Variants in RARG observed in about 807,000 individuals in gnomAD.
The protein encoded by RARG is RAR-gamma.
In RARG, 17 loss-of-function variants were observed where a neutral mutation model predicts 43.7. The ratio of observed to expected loss-of-function variants is 0.39; its 90% CI spans 0.27 to 0.58. The LOEUF is 0.58. Ranked by LOEUF, RARG falls within the 20% of genes least tolerant of loss-of-function variation. The pLI, the probability that RARG is intolerant of heterozygous loss-of-function variation, is 0.57. For missense variants in RARG, 346 were observed against 598.7 expected (o/e 0.58, Z 4.40); for synonymous variants, 238 against 236.4 (o/e 1.01, Z -0.06).
At chr12:53,220,313 C>A in intron 3 of RARG, 4 of 1,416,176 alleles carry the variant, frequency 2.8e-6, no homozygotes, top group Non-Finnish European at 3.7e-6. Flanking sequence ...CTGGGGCTGC[C>A]GCTTTAGCCT....
In RARG at chr12:53,213,900, T is replaced by A. The variant is rs1035484153; in HGVS notation, c.813+159A>T. The A allele has an allele frequency of 4.2e-5, 46 of 1,098,408 alleles. No individual in the cohort carries two copies. In the East Asian group the frequency reaches 1.1e-3, roughly 25 times the overall value. The allele number at this position is 1,098,408 out of a possible 1,614,324, so 68.0% of individuals were successfully genotyped here. A position where few individuals can be genotyped will look rare whatever the true frequency, so the allele number is the denominator to read the frequency against. ...AGACAGGGCATCCAAAAGTCTAGGA[T>A]CAGGTCATAGGGGCAGAGGCTAAGA... On this transcript the variant is annotated intron_variant, in intron 7 of 9. Transcript: ENST00000425354. The surrounding 1 kb of genome is among the most constrained non-coding windows in gnomAD (Gnocchi z 4.7).
intron 3 of RARG, among the ~76,000 whole-genome samples, chr12:53,225,965 G>A (rs1943098451): frequency 6.6e-6 from 1 of 152,188 alleles, no homozygotes; most frequent in African/African-American, 2.4e-5. Context: ...CACCCCCTCT[G>A]CCTCTCTGGA....
At chr12:53,217,090 TG>T (rs1332482444) in intron 3 of RARG, among the ~76,000 whole-genome samples, 1 of 152,080 alleles carries the variant, frequency 6.6e-6, no homozygotes, top group African/African-American at 2.4e-5. Context: ...ATGCCCAGGA[TG>T]CCAGGGTTCC....
chr12:53,219,903 C>A (rs956041091), intron 3 of RARG: 13 of 1,432,470 alleles, frequency 9.1e-6, no homozygotes, highest in South Asian at 1.5e-5. Context: ...GAGTAAATCC[C>A]ACCCTCTCCT....
intron 3 of RARG, among the ~76,000 whole-genome samples, chr12:53,220,965 T>G (rs925863328): frequency 6.6e-6 from 1 of 151,574 alleles, no homozygotes. Flanking sequence ...GGCCGAAAAG[T>G]GCATTCCTGC....
chr12:53,216,040 T>C, intron 3 of RARG, among the ~76,000 whole-genome samples: 1 of 152,206 alleles, frequency 6.6e-6, no homozygotes, highest in East Asian at 1.9e-4. Flanking sequence ...TTCACAAGAA[T>C]GCCAGCCCTC....
Position 53,227,341 on chromosome 12 carries a change from C to T in RARG, c.184+21G>A. ...TTCTTGTTAACATTTGCCTTCATTC[C>T]CCAAGATCCCTGAGACTCACACAGA... On this transcript the variant is annotated intron_variant, in intron 3 of 9. Transcript: ENST00000425354. The surrounding 1 kb of genome is among the most constrained non-coding windows in gnomAD (Gnocchi z 4.3). The T allele has an allele frequency of 1.3e-6, 2 of 1,511,394 alleles. No individual in the cohort carries two copies. Among genetic ancestry groups the T allele is most frequent in the Admixed American group, 2.3e-5 (1 of 43,306 alleles). The allele number at this position is 1,511,394 out of a possible 1,614,324, so 93.6% of individuals were successfully genotyped here.
chr12:53,223,701 C>T (rs1193404935), intron 3 of RARG, among the ~76,000 whole-genome samples: 1 of 152,240 alleles, frequency 6.6e-6, no homozygotes, highest in African/African-American at 2.4e-5. Context: ...GTTCTCCTTG[C>T]TTCTCCCAGT....
rs78410914 is a variant in RARG at position 53,217,828 on chromosome 12, G to A, written c.185-2034C>T. ...GAGGAAATTCCTGACCAGGCTGCGC[G>A]GAGCTTCAAACAAACTCTTTATAAC... On this transcript the variant is annotated intron_variant, in intron 3 of 9. Transcript: ENST00000425354. Among the ~76,000 whole-genome samples, 528 of 152,248 alleles carry A rather than the reference G, an allele frequency of 3.5e-3. 8 individuals are homozygous for A. The East Asian group carries it at 0.043, about 12-fold the overall frequency.
intron 3 of RARG, chr12:53,219,881 T>C (rs1942899416): frequency 7.3e-7 from 1 of 1,373,952 alleles, no homozygotes; most frequent in East Asian, 2.5e-5. Flanking sequence ...TTCCACTCTT[T>C]ACACACGGAA....
intron 3 of RARG, among the ~76,000 whole-genome samples, chr12:53,219,629 G>A (rs1942890922): frequency 6.6e-6 from 1 of 152,150 alleles, no homozygotes. Flanking sequence ...CCACGGTCCT[G>A]AGTGTCATAT....
Position 53,213,138 on chromosome 12 carries a change from A to C in RARG, c.1124T>G (p.Met375Arg). 1 of 1,614,164 alleles carries C rather than the reference A, an allele frequency of 6.2e-7. No individual in the cohort carries two copies. Residue 375 changes from methionine to arginine, a missense_variant, in exon 9 of 10, where the codon ATG (methionine) becomes AGG (arginine). This residue lies in a region of RARG where 25 missense variants were observed against 23.0 expected (regional missense o/e 1.09). Transcript: ENST00000425354. This position sits in a 1 kb window ranked among gnomAD's most constrained non-coding sequence, Gnocchi z 4.7. ...ARRRRPSQPYMFPRMLMKITD... is the reference protein window; with the variant it reads ...ARRRRPSQPYRFPRMLMKITD... ...GATTTTCATTAGCATCCTTGGGAAC[A>C]TGTAGGGCTGGCTGGGCCGCCGGCG...
chr12:53,217,151 A>G (rs868155614), intron 3 of RARG, among the ~76,000 whole-genome samples: 1 of 151,868 alleles, frequency 6.6e-6, no homozygotes, highest in Non-Finnish European at 1.5e-5. Flanking sequence ...CACCCCCAAC[A>G]CACATACAAT....
At position 53,213,960 on chromosome 12, in the gene RARG, A is replaced by C; in HGVS notation, c.813+99T>G. 1 of 1,362,370 alleles carries C rather than the reference A, an allele frequency of 7.3e-7. No homozygotes were observed. Among genetic ancestry groups the C allele is most frequent in the East Asian group, 2.3e-5 (1 of 43,502 alleles). The allele number at this position is 1,362,370 out of a possible 1,614,324, so 84.4% of individuals were successfully genotyped here. On this transcript the variant is annotated intron_variant, in intron 7 of 9. Transcript: ENST00000425354. The surrounding 1 kb of genome is among the most constrained non-coding windows in gnomAD (Gnocchi z 4.7). ...AGCTGAGGAGTCCCACATGTGTGGC[A>C]GGGGGTGCAGGGTAAGGAAATCTTT...
chr12:53,213,467 T>C lies in RARG; in HGVS notation c.1018+29A>G, dbSNP rs1445336975. 1 of 1,607,216 alleles carries C rather than the reference T, an allele frequency of 6.2e-7. No individual in the cohort carries two copies. Among genetic ancestry groups the C allele is most frequent in the African/African-American group, 1.3e-5 (1 of 74,680 alleles). ...AGTGGTGGGAAAGGAGACTGAGCAC[T>C]GAGCAGACGCCAGGGGGCGCCCCCG... On this transcript the variant is annotated intron_variant, in intron 8 of 9. Coordinates refer to ENST00000425354, the MANE Select transcript of RARG (RefSeq NM_000966.6). This position sits in a 1 kb window ranked among gnomAD's most constrained non-coding sequence, Gnocchi z 4.7.
chr12:53,211,930 C>T lies in RARG; in HGVS notation c.1178-67G>A. 1 of 1,259,708 alleles carries T rather than the reference C, an allele frequency of 7.9e-7. No homozygotes were observed. Among genetic ancestry groups the T allele is most frequent in the East Asian group, 2.8e-5 (1 of 35,360 alleles). 78.0% of individuals were successfully genotyped at this position (1,259,708 alleles called of 1,614,324 possible). On this transcript the variant is annotated intron_variant, in intron 9 of 9. Transcript: ENST00000425354. This position sits in a 1 kb window ranked among gnomAD's most constrained non-coding sequence, Gnocchi z 4.6. Reference sequence around the variant, plus strand: ...GCACATGGCCCTTAAGGCCATCTCCCTAACCTTTCTCAACTGCCCCTGACT... The same window carrying T: ...GCACATGGCCCTTAAGGCCATCTCCTTAACCTTTCTCAACTGCCCCTGACT...
chr12:53,216,839 T>TGC lies in RARG; in HGVS notation c.185-1046_185-1045insGC, dbSNP rs1330982274. Reference sequence around the variant, plus strand: ...CTGGGTAAGTGTGTGTGTGTGTGTGTGTGCGCGCGCGCGCGCGCGCGCGTG... The same window carrying TGC: ...CTGGGTAAGTGTGTGTGTGTGTGTGTGCGTGCGCGCGCGCGCGCGCGCGCGTG... On this transcript the variant is annotated intron_variant, in intron 3 of 9. Transcript: ENST00000425354. 2.2e-3 allele frequency among the ~76,000 whole-genome samples: 318 copies of TGC among 146,776 alleles called. 5 individuals are homozygous for TGC. Among genetic ancestry groups the TGC allele is most frequent in the East Asian group, 9.9e-3 (48 of 4,872 alleles).
chr12:53,213,530 T>A lies in RARG; in HGVS notation c.984A>T (p.Thr328=). The change falls in exon 8 of 10, where the codon ACA becomes ACT. Residue 328 remains threonine, a synonymous_variant. Transcript: ENST00000425354. The surrounding 1 kb of genome is among the most constrained non-coding windows in gnomAD (Gnocchi z 4.7). ...LLPLEMDDTE[T]GLLSAICLIC... Reference sequence around the variant, plus strand: ...TGAGGCAGATGGCGCTGAGCAGCCCTGTCTCGGTGTCATCCATCTCCAGGG... The same window carrying A: ...TGAGGCAGATGGCGCTGAGCAGCCCAGTCTCGGTGTCATCCATCTCCAGGG... 2 of 1,613,776 alleles carry A rather than the reference T, an allele frequency of 1.2e-6. No homozygotes were observed. The highest frequency in any genetic ancestry group is 1.7e-6 in the Non-Finnish European group (2 of 1,179,968).
chr12:53,211,140 A>T lies in RARG; in HGVS notation c.*536T>A, dbSNP rs1942576818. 1 of 152,920 alleles carries T rather than the reference A, an allele frequency of 6.5e-6. No individual in the cohort carries two copies. Among genetic ancestry groups the T allele is most frequent in the East Asian group, 1.9e-4 (1 of 5,196 alleles). The allele number at this position is 152,920 out of a possible 1,614,324, so 9.5% of individuals were successfully genotyped here. A position where few individuals can be genotyped will look rare whatever the true frequency, so the allele number is the denominator to read the frequency against. On this transcript the variant is annotated 3_prime_UTR_variant, in exon 10 of 10. Transcript: ENST00000425354. The surrounding 1 kb of genome is among the most constrained non-coding windows in gnomAD (Gnocchi z 4.6). The stretch of plus-strand genomic sequence containing the variant: ...CTTTCACCCTCTGTTCCTGCCCCAG[A>T]AATGCAGGGCCCAGCCTGCCCCCAC...
Sources: gnomAD v4.1 joint callset for allele counts (sites outside exome capture counted in the v4.1 genomes callset) on GRCh38, gnomAD v4.1.1 for gene constraint, gnomAD v4.1.1 regional missense constraint, Gnocchi (gnomAD v3.1) non-coding constraint, MANE v1.5 for transcripts, NCBI Gene and HGNC (gene_info 2026-07-23, HGNC 2026-07-21) for gene names.